Variants in ZNF699 observed in about 807,000 individuals in gnomAD.
The protein encoded by ZNF699 is hangover homolog.
A neutral mutation model predicts 22.5 loss-of-function variants in ZNF699; 18 were observed. That is an observed-to-expected ratio of 0.80 (90% CI 0.55 to 1.19). The LOEUF is 1.19. ZNF699 is among the 50% of genes most tolerant of loss of function. The pLI is 0.00. For synonymous variants in ZNF699, 241 were observed against 262.3 expected (o/e 0.92, Z 0.78); for missense variants, 670 against 763.4 (o/e 0.88, Z 1.44).
chr19:9,302,445 C>A lies in ZNF699; in HGVS notation c.108G>T (p.Leu36=). 1.2e-6 allele frequency: 2 copies of A among 1,614,040 alleles called. No individual in the cohort carries two copies. The highest frequency in any genetic ancestry group is 1.7e-6 in the Non-Finnish European group (2 of 1,179,954). Reference sequence around the variant, plus strand: ...TGTAGAGGTTTCTCTGAGCAAGATCCAGCAAAGCCCATTCCTCCTGGGTAA... The same window carrying A: ...TGTAGAGGTTTCTCTGAGCAAGATCAAGCAAAGCCCATTCCTCCTGGGTAA... ...VDFTQEEWAL[L]DLAQRNLYRD... The change falls in exon 3 of 6, where the codon CTG becomes CTT. Residue 36 remains leucine (L), a synonymous_variant. Coordinates refer to ENST00000591998, the MANE Select transcript of ZNF699 (RefSeq NM_198535.3).
chr19:9,305,808 T>A (rs1347028707), intron 1 of ZNF699, among the ~76,000 whole-genome samples: 1 of 151,836 alleles, frequency 6.6e-6, no homozygotes, highest in African/African-American at 2.4e-5. Flanking sequence ...TTCATGCCAT[T>A]CTCCTGCCTC....
Position 9,295,552 on chromosome 19 carries a change from T to A in ZNF699, c.1852A>T (p.Lys618Ter). The change falls in exon 6 of 6, where the codon AAG becomes TAG. Residue 618 changes from lysine to a stop codon, truncating the protein, a stop_gained. Coordinates refer to ENST00000591998, the MANE Select transcript of ZNF699 (RefSeq NM_198535.3). LOFTEE classifies it low-confidence loss of function (END_TRUNC). ...CAAACAAAGGCTTTCCCACATTCCTTACATTCATAGGGTTTCTCTCCAGTG... is the reference window on the plus strand; with the variant it reads ...CAAACAAAGGCTTTCCCACATTCCTAACATTCATAGGGTTTCTCTCCAGTG... ...SHTGEKPYECKECGKAFVCPA... is the reference protein window; with the variant it reads ...SHTGEKPYEC 1 of 1,614,118 alleles carries A rather than the reference T, an allele frequency of 6.2e-7. No homozygotes were observed. Among genetic ancestry groups the A allele is most frequent in the Non-Finnish European group, 8.5e-7 (1 of 1,179,984 alleles).
In ZNF699 at chr19:9,295,699, G is replaced by A. The variant is rs201245615; in HGVS notation, c.1705C>T (p.Arg569Cys). The A allele has an allele frequency of 7.0e-5, 113 of 1,613,470 alleles. No individual in the cohort carries two copies. The highest frequency in any genetic ancestry group is 1.2e-4 in the African/African-American group (9 of 74,696). ...TGTACAGTAAGGTATGAAGAATGAC[G>A]AAATGCTTTCCCACATTCCTTACAT... is the stretch of plus-strand genomic sequence containing the variant. Reference protein sequence around the residue: ...YECKECGKAFRHSSYLTVHAR... With the variant: ...YECKECGKAFCHSSYLTVHAR... The change falls in exon 6 of 6, where the codon CGT (arginine) becomes TGT (cysteine). Residue 569 changes from arginine (R) to cysteine (C), a missense_variant. Arg to Cys is a radical substitution (Grantham distance 180). Coordinates refer to ENST00000591998, the MANE Select transcript of ZNF699 (RefSeq NM_198535.3).
chr19:9,297,741 G>C lies in ZNF699; in HGVS notation c.286+139C>G. ...GCCAAGAACAAGGAAAATGCGAGAGGACTGATAAAAAGTCAAAATAGTCAT... is the reference window on the plus strand; with the variant it reads ...GCCAAGAACAAGGAAAATGCGAGAGCACTGATAAAAAGTCAAAATAGTCAT... On this transcript the variant is annotated intron_variant, in intron 4 of 5. Transcript: ENST00000591998. This position sits in a 1 kb window ranked among gnomAD's most constrained non-coding sequence, Gnocchi z 4.3. The C allele has an allele frequency of 3.0e-6, 2 of 672,448 alleles. No individual in the cohort carries two copies. Among genetic ancestry groups the C allele is most frequent in the Non-Finnish European group, 5.0e-6 (2 of 396,148 alleles). The allele number at this position is 672,448 out of a possible 1,614,324, so 41.7% of individuals were successfully genotyped here.
chr19:9,294,551 C>T lies in ZNF699; in HGVS notation c.*924G>A, dbSNP rs1418458675. 1 of 152,206 alleles carries T rather than the reference C, an allele frequency of 6.6e-6. No individual in the cohort carries two copies. The highest frequency in any genetic ancestry group is 2.4e-5 in the African/African-American group (1 of 41,454). The allele number at this position is 152,206 out of a possible 1,614,324, so 9.4% of individuals were successfully genotyped here. On this transcript the variant is annotated 3_prime_UTR_variant, in exon 6 of 6. Transcript: ENST00000591998. ...TCTGTCTCTCTGTCTGATGGCCCCACTAAACATAGCATAACAGCTTTTTCT... is the reference window on the plus strand; with the variant it reads ...TCTGTCTCTCTGTCTGATGGCCCCATTAAACATAGCATAACAGCTTTTTCT...
At chr19:9,302,654 ATC>A (rs1054115671) in intron 2 of ZNF699, 150 bp from the exon 3 acceptor site, 7 of 694,818 alleles carry the variant, frequency 1.0e-5, no homozygotes, top group East Asian at 9.0e-5. Flanking sequence ...CAGTCAACAA[ATC>A]TCTCTCTCTT....
chr19:9,303,219 G>A (rs2066314508), intron 2 of ZNF699, among the ~76,000 whole-genome samples: 1 of 152,090 alleles, frequency 6.6e-6, no homozygotes, highest in Non-Finnish European at 1.5e-5. Context: ...CCTACAACTT[G>A]CTTCTGATAC....
At chr19:9,304,648 G>A (rs183954127) in intron 2 of ZNF699, among the ~76,000 whole-genome samples, 63 of 152,278 alleles carry the variant, frequency 4.1e-4, no homozygotes, top group African/African-American at 1.4e-3. Flanking sequence ...ACGGCCGGCC[G>A]GGCACGGTGG....
intron 1 of ZNF699, among the ~76,000 whole-genome samples, 165 bp from the exon 2 acceptor site, chr19:9,305,289 G>GCACACACACACACACA (rs2066323632): frequency 2.8e-5 from 4 of 141,324 alleles, no homozygotes; most frequent in African/African-American, 1.2e-4. Flanking sequence ...ACACACACAT[G>GCACACACACACACACA]CACACACCCA....
chr19:9,308,503 G>T (rs1345191318), intron 1 of ZNF699, among the ~76,000 whole-genome samples: 1 of 152,146 alleles, frequency 6.6e-6, no homozygotes, highest in African/African-American at 2.4e-5. Context: ...AAAAAAATCA[G>T]CGGTTTAAAA....
chr19:9,302,593 G>A (rs950353989), intron 2 of ZNF699, 89 bp from the exon 3 acceptor site: 3 of 1,399,408 alleles, frequency 2.1e-6, no homozygotes, highest in South Asian at 2.8e-5. Flanking sequence ...TCGAGGAAAT[G>A]AGAGTCAATT....
At chr19:9,305,240 T>A in intron 1 of ZNF699, 116 bp from the exon 2 acceptor site, 1 of 754,178 alleles carries the variant, frequency 1.3e-6, no homozygotes, top group Non-Finnish European at 2.2e-6. Context: ...CCATCAATTA[T>A]AAGTAACAAC....
intron 3 of ZNF699, among the ~76,000 whole-genome samples, chr19:9,298,943 T>C (rs1249944895): frequency 1.3e-5 from 2 of 152,162 alleles, no homozygotes; most frequent in African/African-American, 2.4e-5. Flanking sequence ...GCTAAGTCTT[T>C]CCCACAATTG....
chr19:9,304,929 A>AAAC (rs1317220304), intron 2 of ZNF699, 143 bp downstream of exon 2: 8 of 593,218 alleles, frequency 1.3e-5, no homozygotes, highest in Non-Finnish European at 1.7e-5. Flanking sequence ...CTCAAAAAAA[A>AAAC]AAAAAAAAAA....
In ZNF699 at chr19:9,296,850, G is replaced by A. The variant is rs781646738; in HGVS notation, c.554C>T (p.Ser185Leu). The change falls in exon 6 of 6, where the codon TCA (serine) becomes TTA (leucine). Residue 185 changes from serine to leucine, a missense_variant. Transcript: ENST00000591998. ...QTFSQVPNLD[S>L]LKRNTEVKSC... ...TTTTACTTCAGTATTTCTCTTGAGT[G>A]AATCAAGATTTGGAACTTGGCTGAA... 1 of 1,613,900 alleles carries A rather than the reference G, an allele frequency of 6.2e-7. No individual in the cohort carries two copies. The highest frequency in any genetic ancestry group is 2.2e-5 in the East Asian group (1 of 44,878).
At chr19:9,300,664 TG>T (rs1287778676) in intron 3 of ZNF699, among the ~76,000 whole-genome samples, 8 of 152,224 alleles carry the variant, frequency 5.3e-5, no homozygotes, top group African/African-American at 1.9e-4. Context: ...AAATGTATAT[TG>T]CTAAGTGAAA....
At chr19:9,302,347 C>G in intron 3 of ZNF699, 31 bp downstream of exon 3, 1 of 1,611,792 alleles carries the variant, frequency 6.2e-7, no homozygotes, top group Non-Finnish European at 8.5e-7. Context: ...ACTTTCTAAA[C>G]AACTACATGA....
chr19:9,304,394 C>T (rs1292526560), intron 2 of ZNF699, among the ~76,000 whole-genome samples: 1 of 149,924 alleles, frequency 6.7e-6, no homozygotes, highest in African/African-American at 2.5e-5. Flanking sequence ...TCATTTTTTT[C>T]CCCCTCACAA....
intron 3 of ZNF699, among the ~76,000 whole-genome samples, chr19:9,300,806 T>G (rs1442436739): frequency 6.6e-6 from 1 of 152,192 alleles, no homozygotes; most frequent in Non-Finnish European, 1.5e-5. Flanking sequence ...AGGGATGAAT[T>G]GATAGAGCAC....
Sources: allele counts gnomAD v4.1 joint callset (sites outside exome capture counted in the v4.1 genomes callset), GRCh38; gene constraint gnomAD v4.1.1; non-coding constraint Gnocchi (gnomAD v3.1); transcripts MANE v1.5; gene names NCBI Gene and HGNC (gene_info 2026-07-23, HGNC 2026-07-21).